Variants in NALCN observed in about 807,000 individuals in gnomAD.
NALCN encodes sodium leak channel, non-selective, also known as sodium leak channel NALCN.
A neutral mutation model predicts 225.3 loss-of-function variants in NALCN; 111 were observed. The ratio of observed to expected loss-of-function variants is 0.49; its 90% CI spans 0.42 to 0.58. NALCN has a LOEUF of 0.58. Among genes scored for constraint, NALCN ranks in the 20% least tolerant of loss-of-function variants. NALCN has a pLI of 0.00. For synonymous variants in NALCN, 764 were observed against 769.0 expected, an observed-to-expected ratio of 0.99 and a Z score of 0.11; for missense variants, 1,378 against 2,202.4, an observed-to-expected ratio of 0.63 and a Z score of 7.49.
intron 28 of NALCN, among the ~76,000 whole-genome samples, chr13:101,092,685 T>C (rs982249175): frequency 1.2e-4 from 18 of 152,100 alleles, no homozygotes; most frequent in Non-Finnish European, 2.6e-4. Flanking sequence ...CAGAGGCAGG[T>C]ATATGATGAA....
chr13:101,177,211 C>A, intron 14 of NALCN, among the ~76,000 whole-genome samples: 1 of 152,146 alleles, frequency 6.6e-6, no homozygotes, highest in East Asian at 1.9e-4. Context: ...ATCTCAACTG[C>A]AACCTCATGA....
At chr13:101,095,016 A>G (rs886264996) in intron 28 of NALCN, among the ~76,000 whole-genome samples, 5 of 152,210 alleles carry the variant, frequency 3.3e-5, no homozygotes, top group African/African-American at 1.2e-4. Flanking sequence ...AGAAGGTACT[A>G]GGTATTTCTA....
chr13:101,141,958 A>C (rs1435144498), intron 17 of NALCN, among the ~76,000 whole-genome samples: 1 of 152,138 alleles, frequency 6.6e-6, no homozygotes, highest in Non-Finnish European at 1.5e-5. Context: ...TAATCTCTTT[A>C]ATATTAAAGG....
At chr13:101,191,821 G>T in intron 14 of NALCN, 96 bp downstream of exon 14, 1 of 1,293,182 alleles carries the variant, frequency 7.7e-7, no homozygotes, top group Non-Finnish European at 1.1e-6. Flanking sequence ...TAGTCCTTTG[G>T]CTCCCATTTT....
intron 12 of NALCN, among the ~76,000 whole-genome samples, chr13:101,231,273 G>C (rs534644585): frequency 1.3e-5 from 2 of 151,836 alleles, no homozygotes; most frequent in African/African-American, 4.8e-5. Context: ...AAAAAAATAA[G>C]TAATTAATTG....
At chr13:101,207,771 A>G (rs750935252) in intron 13 of NALCN, among the ~76,000 whole-genome samples, 1 of 152,224 alleles carries the variant, frequency 6.6e-6, no homozygotes, top group Non-Finnish European at 1.5e-5. Flanking sequence ...AGGGAATAAA[A>G]GCAGACCACC....
At position 101,300,732 on chromosome 13, in the gene NALCN, G is replaced by GC. The variant is rs370906702; in HGVS notation, c.800-8367dup. Among the ~76,000 whole-genome samples, 731 of 152,308 alleles carry GC rather than the reference G, an allele frequency of 4.8e-3. 7 individuals are homozygous for GC. Among genetic ancestry groups the GC allele is most frequent in the African/African-American group, 0.017 (687 of 41,564 alleles). ...TCAAGTCATGTGCTCCACACACCCA[G>GC]CCTGAGGCTTGCCACGTGGCATATC... On this transcript the variant is annotated intron_variant, in intron 7 of 43. Coordinates refer to ENST00000251127, the MANE Select transcript of NALCN (RefSeq NM_052867.4).
intron 7 of NALCN, among the ~76,000 whole-genome samples, chr13:101,299,523 A>G (rs567669541): frequency 5.3e-5 from 8 of 152,254 alleles, no homozygotes; most frequent in African/African-American, 1.4e-4. Context: ...ATAGAAAAAC[A>G]CAGAAGAAAA....
At chr13:101,160,412 G>T (rs956197147) in intron 15 of NALCN, among the ~76,000 whole-genome samples, 4 of 152,132 alleles carry the variant, frequency 2.6e-5, no homozygotes, top group South Asian at 2.1e-4. Context: ...CTGACCAAGC[G>T]TGGGGAGGAG....
chr13:101,184,921 A>G (rs1049073093), intron 14 of NALCN, among the ~76,000 whole-genome samples: 6 of 152,088 alleles, frequency 3.9e-5, no homozygotes, highest in Non-Finnish European at 8.8e-5. Flanking sequence ...TATAGCTTAA[A>G]GATGTCCCTT....
intron 1 of NALCN, among the ~76,000 whole-genome samples, chr13:101,402,034 G>T (rs1250162208): frequency 6.6e-6 from 1 of 152,154 alleles, no homozygotes; most frequent in Non-Finnish European, 1.5e-5. Flanking sequence ...GCATACAGCA[G>T]ACCTATTATT....
chr13:101,061,743 C>T (rs925131417), intron 41 of NALCN, among the ~76,000 whole-genome samples: 3 of 152,246 alleles, frequency 2.0e-5, no homozygotes, highest in East Asian at 1.9e-4. Flanking sequence ...ATGGAAACTC[C>T]TAATGGACTC....
intron 18 of NALCN, among the ~76,000 whole-genome samples, chr13:101,118,434 T>C (rs2035818276): frequency 6.6e-6 from 1 of 152,186 alleles, no homozygotes; most frequent in Admixed American, 6.6e-5. Flanking sequence ...GTGATTAGAA[T>C]ATATTATTTT....
intron 1 of NALCN, among the ~76,000 whole-genome samples, chr13:101,413,726 T>A (rs1297650486): frequency 1.3e-5 from 2 of 152,248 alleles, no homozygotes; most frequent in African/African-American, 4.8e-5. Flanking sequence ...TCTATCAACT[T>A]TGGTTACTTT....
At chr13:101,223,559 A>C (rs1412508204) in intron 13 of NALCN, among the ~76,000 whole-genome samples, 1 of 152,056 alleles carries the variant, frequency 6.6e-6, no homozygotes, top group African/African-American at 2.4e-5. Context: ...GATTACTCAA[A>C]CACTTTCACA....
chr13:101,244,950 A>G (rs1467927526), intron 11 of NALCN, among the ~76,000 whole-genome samples: 1 of 152,218 alleles, frequency 6.6e-6, no homozygotes, highest in Non-Finnish European at 1.5e-5. Context: ...GCTGGGAGCC[A>G]TCTAAAAGGG....
At chr13:101,309,550 A>T (rs1244151727) in intron 7 of NALCN, among the ~76,000 whole-genome samples, 2 of 152,174 alleles carry the variant, frequency 1.3e-5, no homozygotes, top group Non-Finnish European at 2.9e-5. Flanking sequence ...CATTTTGTCT[A>T]TTGGCAAATA....
intron 7 of NALCN, among the ~76,000 whole-genome samples, chr13:101,337,975 G>A (rs922543173): frequency 2.0e-5 from 3 of 152,154 alleles, no homozygotes; most frequent in Non-Finnish European, 4.4e-5. Context: ...GGCTGATTTT[G>A]AGGATTAAAA....
intron 7 of NALCN, among the ~76,000 whole-genome samples, chr13:101,298,751 A>T (rs1316698220): frequency 1.3e-5 from 2 of 152,238 alleles, no homozygotes; most frequent in Non-Finnish European, 2.9e-5. Flanking sequence ...GGTCTGTCCT[A>T]TGCATTGCAA....
Sources: allele counts gnomAD v4.1 joint callset (sites outside exome capture counted in the v4.1 genomes callset), GRCh38; gene constraint gnomAD v4.1.1; transcripts MANE v1.5; gene names NCBI Gene and HGNC (gene_info 2026-07-23, HGNC 2026-07-21).